Variants in YY1 observed in about 807,000 individuals in gnomAD.
The protein encoded by YY1 is transcriptional repressor protein YY1.
YY1 carries 2 observed loss-of-function variants against 35.6 expected under a neutral mutation model. The observed-to-expected ratio is 0.06, with a 90% CI of 0.02 to 0.18. The LOEUF (loss-of-function observed/expected upper bound fraction) is 0.18. Among genes scored for constraint, YY1 ranks in the 10% least tolerant of loss-of-function variants. The pLI, the probability that YY1 is intolerant of heterozygous loss-of-function variation, is 1.00. For missense variants in YY1, 322 were observed against 573.4 expected (o/e 0.56, Z 4.48); for synonymous variants, 268 against 238.9 (o/e 1.12, Z -1.12).
At chr14:100,274,794 G>C (rs1306694240) in intron 3 of YY1, 36 bp downstream of exon 3, 18 of 1,576,840 alleles carry the variant, frequency 1.1e-5, no homozygotes, top group Non-Finnish European at 1.6e-5. Flanking sequence ...TCATTAAACT[G>C]TTGATGAAGT....
chr14:100,240,255 CATCAACGGGCGCGCCCG>C (rs1566766404), intron 1 of YY1, among the ~76,000 whole-genome samples: 1 of 106,952 alleles, frequency 9.3e-6, no homozygotes, highest in Non-Finnish European at 2.4e-5. Context: ...CCCGCGCCCG[CATCAACGGGCGCGCCCG>C]CCGGCCCGTT....
At position 100,277,243 on chromosome 14, in the gene YY1, G is replaced by A; in HGVS notation, c.1063-175G>A. 1 of 790,856 alleles carries A rather than the reference G, an allele frequency of 1.3e-6. No individual in the cohort carries two copies. 49.0% of individuals were successfully genotyped at this position (790,856 alleles called of 1,614,324 possible). On this transcript the variant is annotated intron_variant, in intron 4 of 4. Transcript: ENST00000262238. The surrounding 1 kb of genome is among the most constrained non-coding windows in gnomAD (Gnocchi z 5.6). ...CGTGAGGGCTCTCCTTGGGTTTTCG[G>A]GGTTGTCCAACCTGCCTGCTGATTC... is the stretch of plus-strand genomic sequence containing the variant.
chr14:100,271,724 A>G (rs1419495801), intron 2 of YY1, among the ~76,000 whole-genome samples: 1 of 151,984 alleles, frequency 6.6e-6, no homozygotes, highest in Non-Finnish European at 1.5e-5. Context: ...GTTGGATCGC[A>G]GCCTCAAATT....
At chr14:100,268,324 T>G (rs1301990422) in intron 2 of YY1, among the ~76,000 whole-genome samples, 3 of 152,192 alleles carry the variant, frequency 2.0e-5, no homozygotes, top group Non-Finnish European at 4.4e-5. Flanking sequence ...ATAATGACTT[T>G]AATTGGAAAG....
chr14:100,244,320 C>CTTTTTTTTTT (rs869125410), intron 1 of YY1, among the ~76,000 whole-genome samples: 5 of 89,704 alleles, frequency 5.6e-5, no homozygotes, highest in African/African-American at 1.8e-4. Flanking sequence ...TCCTTTTTTA[C>CTTTTTTTTTT]TTTTTTTTTT....
chr14:100,281,052 TC>T lies in YY1; in HGVS notation c.*3454del, dbSNP rs1891416637. ...TCCAGCCTGGGTGACAGAGCAAGAC[TC>T]CGTCTCCCAAAAAAAAAAAAAAAAA... is the stretch of plus-strand genomic sequence containing the variant. On this transcript the variant is annotated 3_prime_UTR_variant, in exon 5 of 5. Coordinates refer to ENST00000262238, the MANE Select transcript of YY1 (RefSeq NM_003403.5). 1.3e-5 allele frequency: 1 copy of T among 79,838 alleles called. No individual in the cohort carries two copies. Among genetic ancestry groups the T allele is most frequent in the African/African-American group, 5.6e-5 (1 of 17,952 alleles). The allele number at this position is 79,838 out of a possible 1,614,324, so 4.9% of individuals were successfully genotyped here.
At position 100,260,771 on chromosome 14, in the gene YY1, C is replaced by CTTTTTT. The variant is rs71113254; in HGVS notation, c.680-1499_680-1494dup. On this transcript the variant is annotated intron_variant, in intron 1 of 4. Transcript: ENST00000262238. The stretch of plus-strand genomic sequence containing the variant: ...CAGGTGTGAGCCACCGTGCCTGGTC[C>CTTTTTT]TTTTTTTTTTTTTTTTTTTTTTTTT... Among the ~76,000 whole-genome samples the CTTTTTT allele has an allele frequency of 8.7e-4, 37 of 42,570 alleles. 8 individuals carry two copies. Among genetic ancestry groups the CTTTTTT allele is most frequent in the Non-Finnish European group, 9.1e-4 (21 of 22,954 alleles). 27.9% of individuals were successfully genotyped at this position (42,570 alleles called of 152,430 possible). A position where few individuals can be genotyped will look rare whatever the true frequency, so the allele number is the denominator to read the frequency against.
At chr14:100,273,693 T>A (rs1351762099) in intron 2 of YY1, among the ~76,000 whole-genome samples, 2 of 152,088 alleles carry the variant, frequency 1.3e-5, no homozygotes, top group African/African-American at 4.8e-5. Flanking sequence ...ATATGAACCA[T>A]CATGGAGGGG....
intron 1 of YY1, among the ~76,000 whole-genome samples, chr14:100,242,104 A>G (rs1384062776): frequency 6.6e-6 from 1 of 152,190 alleles, no homozygotes; most frequent in Non-Finnish European, 1.5e-5. Flanking sequence ...TACATTAACC[A>G]CAAAAGTAAA....
chr14:100,244,165 CT>C (rs959989229), intron 1 of YY1, among the ~76,000 whole-genome samples: 1 of 151,660 alleles, frequency 6.6e-6, no homozygotes, highest in Non-Finnish European at 1.5e-5. Flanking sequence ...AAATGGGTTT[CT>C]TTTGCGCACA....
chr14:100,269,882 C>A (rs190241290), intron 2 of YY1, among the ~76,000 whole-genome samples: 1 of 152,116 alleles, frequency 6.6e-6, no homozygotes, highest in Non-Finnish European at 1.5e-5. Context: ...CTTATAATAA[C>A]AAACCAAGAG....
chr14:100,253,415 G>C (rs1017545028), intron 1 of YY1, among the ~76,000 whole-genome samples: 2 of 152,128 alleles, frequency 1.3e-5, no homozygotes, highest in Non-Finnish European at 2.9e-5. Context: ...ATGTTAGCCA[G>C]GCTAGTCTTT....
intron 1 of YY1, among the ~76,000 whole-genome samples, chr14:100,255,779 C>G (rs1890996816): frequency 6.6e-6 from 1 of 152,206 alleles, no homozygotes; most frequent in Non-Finnish European, 1.5e-5. Flanking sequence ...CCACTTGGCA[C>G]TTGATACGTC....
In YY1 at chr14:100,281,027, T is replaced by TCCAGC. The variant is rs1891415621; in HGVS notation, c.*3429_*3433dup. On this transcript the variant is annotated 3_prime_UTR_variant, in exon 5 of 5. Transcript: ENST00000262238. ...GTGAGCCGAGATCGCACCACTGCAC[T>TCCAGC]CCAGCCTGGGTGACAGAGCAAGACT... The TCCAGC allele has an allele frequency of 8.7e-6, 1 of 114,588 alleles. No homozygotes were observed. Among genetic ancestry groups the TCCAGC allele is most frequent in the South Asian group, 3.2e-4 (1 of 3,136 alleles). The allele number at this position is 114,588 out of a possible 1,614,324, so 7.1% of individuals were successfully genotyped here. A position where few individuals can be genotyped will look rare whatever the true frequency, so the allele number is the denominator to read the frequency against.
intron 1 of YY1, among the ~76,000 whole-genome samples, chr14:100,252,874 C>T (rs1890943964): frequency 6.6e-6 from 1 of 151,728 alleles, no homozygotes; most frequent in African/African-American, 2.4e-5. Context: ...CCCATCTCTA[C>T]CAGGAAAAAA....
At chr14:100,251,149 GA>G (rs1352425851) in intron 1 of YY1, among the ~76,000 whole-genome samples, 1 of 152,200 alleles carries the variant, frequency 6.6e-6, no homozygotes, top group Non-Finnish European at 1.5e-5. Context: ...TTGCAAGTGT[GA>G]TTAAACCAGG....
chr14:100,239,570 G>A lies in YY1; in HGVS notation c.326G>A (p.Arg109His), dbSNP rs1890692324. The A allele has an allele frequency of 6.8e-6, 11 of 1,612,596 alleles. No individual in the cohort carries two copies. Among genetic ancestry groups the A allele is most frequent in the African/African-American group, 2.7e-5 (2 of 74,994 alleles). ...HHQEVILVQT[R>H]EEVVGGDDSD... ...CAGGAGGTGATCCTGGTGCAGACGC[G>A]CGAGGAGGTGGTGGGCGGCGACGAC... The change falls in exon 1 of 5, where the codon CGC (arginine) becomes CAC (histidine). Residue 109 changes from arginine to histidine, a missense_variant. By Grantham distance (29) the Arg-to-His change is conservative (BLOSUM62 0). Transcript: ENST00000262238.
At chr14:100,249,760 G>GGT (rs1890895699) in intron 1 of YY1, among the ~76,000 whole-genome samples, 2 of 143,012 alleles carry the variant, frequency 1.4e-5, no homozygotes, top group Non-Finnish European at 3.0e-5. Flanking sequence ...TTTTTTTTTT[G>GGT]TTTGTTTTTG....
chr14:100,277,738 T>C lies in YY1; in HGVS notation c.*138T>C. On this transcript the variant is annotated 3_prime_UTR_variant, in exon 5 of 5. Transcript: ENST00000262238. The surrounding 1 kb of genome is among the most constrained non-coding windows in gnomAD (Gnocchi z 5.6). The stretch of plus-strand genomic sequence containing the variant: ...TCCTACACACCTAAGGGACATGTTT[T>C]GATAAAGTAGTAAAAATTAAAAAAA... The C allele has an allele frequency of 1.0e-6, 1 of 959,032 alleles. No individual in the cohort carries two copies. Among genetic ancestry groups the C allele is most frequent in the Non-Finnish European group, 1.5e-6 (1 of 645,704 alleles). 59.4% of individuals were successfully genotyped at this position (959,032 alleles called of 1,614,324 possible).
Sources: gnomAD v4.1 joint callset for allele counts (sites outside exome capture counted in the v4.1 genomes callset) on GRCh38, gnomAD v4.1.1 for gene constraint, Gnocchi (gnomAD v3.1) non-coding constraint, MANE v1.5 for transcripts, NCBI Gene and HGNC (gene_info 2026-07-23, HGNC 2026-07-21) for gene names.